Variants in UGT1A9 observed in about 807,000 individuals in gnomAD.
UGT1A9 encodes UDP-glucuronosyltransferase 1A9.
A neutral mutation model predicts 45.0 loss-of-function variants in UGT1A9; 35 were observed. That is an observed-to-expected ratio of 0.78 (90% CI 0.59 to 1.03). The LOEUF (loss-of-function observed/expected upper bound fraction) is 1.03, where lower values mean the gene tolerates loss of function less well. Among genes scored for constraint, UGT1A9 ranks in the 50% least tolerant of loss-of-function variants. The probability of loss-of-function intolerance (pLI) is 0.00; values close to 1 mark genes in which losing one functional copy is unlikely to be tolerated. For missense variants in UGT1A9, 687 were observed against 666.6 expected (o/e 1.03, Z -0.34); for synonymous variants, 278 against 250.6 (o/e 1.11, Z -1.03).
chr2:233,724,348 C>G, intron 1 of UGT1A9, among the ~76,000 whole-genome samples: 1 of 144,652 alleles, frequency 6.9e-6, no homozygotes, highest in East Asian at 2.1e-4. Context: ...TGACCCCCCC[C>G]ACCTCCCTCC....
At chr2:233,713,877 A>G in intron 1 of UGT1A9, 2 of 1,613,698 alleles carry the variant, frequency 1.2e-6, no homozygotes, top group Non-Finnish European at 1.7e-6. Flanking sequence ...TGGTGCCTTT[A>G]TCCAATCAAT....
At chr2:233,682,600 C>A in intron 1 of UGT1A9, 2 of 1,613,880 alleles carry the variant, frequency 1.2e-6, no homozygotes, top group Non-Finnish European at 1.7e-6. Context: ...TATTTTGCCC[C>A]TATTTTTTCA....
At chr2:233,693,720 G>A (rs1269709874) in intron 1 of UGT1A9, 1 of 1,614,108 alleles carries the variant, frequency 6.2e-7, no homozygotes, top group Non-Finnish European at 8.5e-7. Flanking sequence ...GTCCTCAAGA[G>A]AGATGTGGAT....
chr2:233,690,709 T>C (rs2075004127), intron 1 of UGT1A9: 3 of 1,224,098 alleles, frequency 2.5e-6, no homozygotes, highest in Admixed American at 6.4e-5. Context: ...GGGATCGTCA[T>C]TATGACGAAC....
At chr2:233,759,139 A>C (rs1697067620) in intron 1 of UGT1A9, among the ~76,000 whole-genome samples, 1 of 152,242 alleles carries the variant, frequency 6.6e-6, no homozygotes, top group Non-Finnish European at 1.5e-5. Flanking sequence ...TACGCAATGA[A>C]GGTGAGTTCC....
At chr2:233,691,496 G>A (rs1466569117) in intron 1 of UGT1A9, 4 of 985,622 alleles carry the variant, frequency 4.1e-6, no homozygotes, top group Non-Finnish European at 4.8e-6. Context: ...GTGGGAACAG[G>A]AACTCGCGTG....
intron 1 of UGT1A9, among the ~76,000 whole-genome samples, chr2:233,720,993 G>A (rs776198260): frequency 1.1e-4 from 17 of 151,662 alleles, no homozygotes; most frequent in Non-Finnish European, 2.1e-4. Context: ...TTACAGGCAA[G>A]AGCCACCAAG....
At chr2:233,682,215 T>A (rs1417605896) in intron 1 of UGT1A9, 2 of 1,614,254 alleles carry the variant, frequency 1.2e-6, no homozygotes, top group Admixed American at 3.3e-5. Flanking sequence ...TTCATGGTTT[T>A]TGCCGATGCT....
In UGT1A9 at chr2:233,746,430, T is replaced by C. The variant is rs141272199; in HGVS notation, c.856-20604T>C. On this transcript the variant is annotated intron_variant, in intron 1 of 4. Transcript: ENST00000354728. ...TCCAATGGTGACCTATTAACTTATG[T>C]CTTCAGCTTAAAAAGAAAGTACCTT... Among the ~76,000 whole-genome samples, 254 of 151,800 alleles carry C rather than the reference T, an allele frequency of 1.7e-3. 1 individual carries two copies. The highest frequency in any genetic ancestry group is 3.4e-3 in the Middle Eastern group (1 of 292).
At chr2:233,724,968 T>G (rs1288341370) in intron 1 of UGT1A9, among the ~76,000 whole-genome samples, 5 of 135,284 alleles carry the variant, frequency 3.7e-5, no homozygotes, top group Non-Finnish European at 8.0e-5. Context: ...AGGCCGAGGT[T>G]GGCGGATCAC....
intron 1 of UGT1A9, among the ~76,000 whole-genome samples, chr2:233,737,149 C>G (rs2125805846): frequency 6.6e-6 from 1 of 152,368 alleles, no homozygotes; most frequent in South Asian, 2.1e-4. Flanking sequence ...TTCAGATATG[C>G]CCTGCCCACA....
intron 1 of UGT1A9, among the ~76,000 whole-genome samples, chr2:233,703,264 TTC>T (rs371511491): frequency 1.3e-5 from 2 of 152,208 alleles, no homozygotes; most frequent in African/African-American, 4.8e-5. Flanking sequence ...TTATAATACT[TTC>T]TGTTTCTGTA....
In UGT1A9 at chr2:233,744,891, T is replaced by C. The variant is rs1270091915; in HGVS notation, c.856-22143T>C. 7.2e-5 allele frequency among the ~76,000 whole-genome samples: 11 copies of C among 151,996 alleles called. No individual in the cohort carries two copies. The East Asian group carries it at 2.1e-3, about 29-fold the overall frequency. On this transcript the variant is annotated intron_variant, in intron 1 of 4. Coordinates refer to ENST00000354728, the MANE Select transcript of UGT1A9 (RefSeq NM_021027.3). ...GGATTAGTTTAGGACAACCCTCCTC[T>C]CCATACCAAAATCTAGATGCTCAAG...
At chr2:233,768,083 C>T in intron 3 of UGT1A9, 137 bp from the exon 4 acceptor site, 1 of 1,591,312 alleles carries the variant, frequency 6.3e-7, no homozygotes, top group Non-Finnish European at 8.6e-7. Flanking sequence ...GGTATCTCAA[C>T]CCACATTTTC....
intron 1 of UGT1A9, among the ~76,000 whole-genome samples, chr2:233,686,441 G>A (rs1461606280): frequency 6.6e-6 from 1 of 152,040 alleles, no homozygotes; most frequent in Non-Finnish European, 1.5e-5. Context: ...TTGACATGGA[G>A]GCTCTCCCAT....
intron 1 of UGT1A9, among the ~76,000 whole-genome samples, chr2:233,764,785 C>T (rs567027233): frequency 9.9e-5 from 15 of 152,240 alleles, no homozygotes; most frequent in African/African-American, 3.4e-4. Flanking sequence ...GAAAAACCAT[C>T]CTCAGGGTGT....
intron 1 of UGT1A9, chr2:233,740,907 T>C (rs1395236903): frequency 3.6e-5 from 5 of 140,068 alleles, no homozygotes; most frequent in South Asian, 4.8e-4. Context: ...AGGTCAACAT[T>C]GTTCCCATCT....
chr2:233,718,849 C>T (rs199761544), intron 1 of UGT1A9: 64 of 1,613,712 alleles, frequency 4.0e-5, no homozygotes, highest in South Asian at 1.6e-4. Flanking sequence ...GTTCCCCTGC[C>T]GCGGCTGGCC....
intron 1 of UGT1A9, among the ~76,000 whole-genome samples, chr2:233,766,144 C>T (rs2126022792): frequency 6.6e-6 from 1 of 152,268 alleles, no homozygotes; most frequent in South Asian, 2.1e-4. Flanking sequence ...TCGAATCCCA[C>T]CTGGGCTTGG....
Sources: gnomAD v4.1 joint callset for allele counts (sites outside exome capture counted in the v4.1 genomes callset) on GRCh38, gnomAD v4.1.1 for gene constraint, MANE v1.5 for transcripts, NCBI Gene and HGNC (gene_info 2026-07-23, HGNC 2026-07-21) for gene names.